Variants in ZNF544 observed in about 807,000 individuals in gnomAD.
ZNF544 encodes zinc finger protein AF020591.
In ZNF544, 10 loss-of-function variants were observed where a neutral mutation model predicts 13.5. The observed-to-expected ratio is 0.74, with a 90% CI of 0.46 to 1.25. ZNF544 has a LOEUF of 1.25. Ranked by LOEUF, ZNF544 falls within the 50% of genes most tolerant of loss-of-function variation. The pLI, the probability that ZNF544 is intolerant of heterozygous loss-of-function variation, is 0.00. For synonymous variants in ZNF544, 323 were observed against 300.5 expected, an observed-to-expected ratio of 1.07 and a Z score of -0.77; for missense variants, 896 against 845.6, an observed-to-expected ratio of 1.06 and a Z score of -0.74.
At chr19:58,266,105 C>T (rs2049837225), downstream of ZNF544, among the ~76,000 whole-genome samples, 2 of 150,274 alleles carry the variant, frequency 1.3e-5, no homozygotes, top group African/African-American at 4.9e-5. Flanking sequence ...ACTCGGGAGG[C>T]TGAGGCAGGA....
chr19:58,276,210 A>T, intron 5 of ZNF544: 1 of 454,106 alleles, frequency 2.2e-6, no homozygotes, highest in Non-Finnish European at 3.6e-6. Context: ...AAGAACACAC[A>T]GGTTTCCCCT....
chr19:58,231,433 A>T (rs754665092), intron 3 of ZNF544, among the ~76,000 whole-genome samples: 3 of 152,304 alleles, frequency 2.0e-5, no homozygotes, highest in South Asian at 4.1e-4. Flanking sequence ...CAGGCAGAGG[A>T]CAGGGTACAG....
chr19:58,266,192 C>T (rs10426200), downstream of ZNF544, among the ~76,000 whole-genome samples: 5 of 102,618 alleles, frequency 4.9e-5, no homozygotes, highest in East Asian at 2.7e-4. Flanking sequence ...GGCAAAAAAG[C>T]GAAAAGCGAG....
At chr19:58,235,931 A>G (rs260447) in intron 3 of ZNF544, among the ~76,000 whole-genome samples, 77,277 of 151,400 alleles carry the variant, frequency 0.51, 20,833 homozygotes, top group African/African-American at 0.69. Flanking sequence ...ATGGTGGCAC[A>G]TGCCTGTAAT....
At chr19:58,266,203 A>C (rs2049853221), downstream of ZNF544, among the ~76,000 whole-genome samples, 1 of 96,292 alleles carries the variant, frequency 1.0e-5, no homozygotes, top group Non-Finnish European at 2.0e-5. Context: ...GAAAAGCGAG[A>C]CTCTGTCTCA....
At chr19:58,241,162 A>ATATATAT (rs1568460699) in intron 3 of ZNF544, among the ~76,000 whole-genome samples, 15 of 89,320 alleles carry the variant, frequency 1.7e-4, no homozygotes, top group African/African-American at 6.6e-4. Flanking sequence ...TATATATTTA[A>ATATATAT]ATATATATAT....
downstream of ZNF544, among the ~76,000 whole-genome samples, chr19:58,265,952 C>T (rs1245896069): frequency 6.6e-6 from 1 of 151,786 alleles, no homozygotes; most frequent in Admixed American, 6.6e-5. Flanking sequence ...TGCCTGTAAT[C>T]CCAGCACTTT....
rs752390780 is a variant in ZNF544 at position 58,243,374 on chromosome 19, C to T, written c.-59-591C>T. Among the ~76,000 whole-genome samples, 8 of 151,476 alleles carry T rather than the reference C, an allele frequency of 5.3e-5. 1 individual carries two copies. The highest frequency in any genetic ancestry group is 1.0e-4 in the Non-Finnish European group (7 of 67,930). On this transcript the variant is annotated intron_variant, in intron 3 of 6. Coordinates refer to ENST00000687789, the MANE Select transcript of ZNF544 (RefSeq NM_014480.4). Reference sequence around the variant, plus strand: ...TTCAAGAGGGTTTTTGCCAAACTCTCGGTAGGACAGTGATGTGACTGCTGC... The same window carrying T: ...TTCAAGAGGGTTTTTGCCAAACTCTTGGTAGGACAGTGATGTGACTGCTGC...
At chr19:58,260,699 T>TC in intron 6 of ZNF544, 152 bp from the exon 7 acceptor site, 2 of 684,322 alleles carry the variant, frequency 2.9e-6, no homozygotes, top group Non-Finnish European at 4.7e-6. Flanking sequence ...TGCTGATCCA[T>TC]CCCTCCCTTT....
At position 58,236,834 on chromosome 19, in the gene ZNF544, C is replaced by T. The variant is rs148489564; in HGVS notation, c.-60+6372C>T. Among the ~76,000 whole-genome samples, 518 of 151,194 alleles carry T rather than the reference C, an allele frequency of 3.4e-3. 2 individuals are homozygous for T. Among genetic ancestry groups the T allele is most frequent in the African/African-American group, 0.011 (465 of 41,152 alleles). On this transcript the variant is annotated intron_variant, in intron 3 of 6. Transcript: ENST00000687789. Reference sequence around the variant, plus strand: ...TCAGCTCACTGCAACCTCCATTCCCCGGGTTCAAACAATTCTCGTGCCTCA... The same window carrying T: ...TCAGCTCACTGCAACCTCCATTCCCTGGGTTCAAACAATTCTCGTGCCTCA...
At chr19:58,240,137 T>A (rs560162098) in intron 3 of ZNF544, among the ~76,000 whole-genome samples, 1 of 152,194 alleles carries the variant, frequency 6.6e-6, no homozygotes, top group African/African-American at 2.4e-5. Context: ...ACTCAGGCCC[T>A]CCAGAGATCC....
intron 6 of ZNF544, 121 bp from the exon 7 acceptor site, chr19:58,260,730 C>T (rs1469118127): frequency 1.3e-5 from 12 of 921,282 alleles, no homozygotes; most frequent in Admixed American, 3.0e-5. Flanking sequence ...ATACGGATTA[C>T]AGTTTGTAGT....
At chr19:58,272,429 C>T (rs549082000) in intron 5 of ZNF544, among the ~76,000 whole-genome samples, 11 of 151,930 alleles carry the variant, frequency 7.2e-5, no homozygotes, top group South Asian at 4.2e-4. Context: ...TGGTGGCACG[C>T]GCCTGTTGTT....
intron 6 of ZNF544, among the ~76,000 whole-genome samples, chr19:58,252,066 G>T (rs978925025): frequency 6.6e-6 from 1 of 152,148 alleles, no homozygotes; most frequent in African/African-American, 2.4e-5. Context: ...GCCAATAAAG[G>T]TGTCTGTTAG....
intron 3 of ZNF544, among the ~76,000 whole-genome samples, chr19:58,241,177 A>ATT (rs1246354443): frequency 3.1e-4 from 27 of 87,088 alleles, no homozygotes; most frequent in South Asian, 6.5e-4. Flanking sequence ...ATATATATAT[A>ATT]TATTTTTTTT....
At chr19:58,241,913 C>T (rs2043968269) in intron 3 of ZNF544, among the ~76,000 whole-genome samples, 2 of 140,640 alleles carry the variant, frequency 1.4e-5, no homozygotes, top group South Asian at 4.6e-4. Context: ...ACTGAATTTG[C>T]TGTTCACTTC....
chr19:58,261,224 T>G lies in ZNF544; in HGVS notation c.618T>G (p.Asn206Lys). 1.5e-5 allele frequency: 24 copies of G among 1,614,032 alleles called. No homozygotes were observed. Among genetic ancestry groups the G allele is most frequent in the Non-Finnish European group, 1.8e-5 (21 of 1,180,022 alleles). Residue 206 changes from asparagine (N) to lysine (K), a missense_variant, in exon 7 of 7, where the codon AAT (asparagine) becomes AAG (lysine). Transcript: ENST00000687789. ...CAGCTTTCATTAATCATGAGAAAAA[T>G]GGAGCAGATGGGAAGCACTGTGAGA... ...QNSAFINHEKNGADGKHCESH... is the reference protein window; with the variant it reads ...QNSAFINHEKKGADGKHCESH...
chr19:58,242,145 A>T, intron 3 of ZNF544: 1 of 751,384 alleles, frequency 1.3e-6, no homozygotes, highest in Non-Finnish European at 1.6e-6. Flanking sequence ...CTGGGAAATG[A>T]GAGCATCGCT....
chr19:58,250,160 C>A (rs1463282023), intron 6 of ZNF544, among the ~76,000 whole-genome samples: 1 of 152,236 alleles, frequency 6.6e-6, no homozygotes, highest in Non-Finnish European at 1.5e-5. Flanking sequence ...CAAGAATTTT[C>A]TATGGTAAAC....
Sources: allele counts gnomAD v4.1 joint callset (sites outside exome capture counted in the v4.1 genomes callset), GRCh38; gene constraint gnomAD v4.1.1; transcripts MANE v1.5; gene names NCBI Gene and HGNC (gene_info 2026-07-23, HGNC 2026-07-21).